The following CCDC88C variants were observed in gnomAD, a reference collection of about 807,000 sequenced individuals.
CCDC88C encodes coiled-coil and HOOK domain protein 88C, also known as protein Daple.
A neutral mutation model predicts 198.8 loss-of-function variants in CCDC88C; 131 were observed. The ratio of observed to expected loss-of-function variants is 0.66; its 90% CI spans 0.57 to 0.76. The LOEUF (loss-of-function observed/expected upper bound fraction) is 0.76, where lower values mean the gene tolerates loss of function less well. Among genes scored for constraint, CCDC88C ranks in the 30% least tolerant of loss-of-function variants. The pLI, the probability that CCDC88C is intolerant of heterozygous loss-of-function variation, is 0.00. For missense variants in CCDC88C, 2,553 were observed against 2,631.6 expected (o/e 0.97, Z 0.65); for synonymous variants, 1,166 against 1,114.7 (o/e 1.05, Z -0.92).
At chr14:91,410,159 C>T (rs915877274) in intron 2 of CCDC88C, among the ~76,000 whole-genome samples, 9 of 152,324 alleles carry the variant, frequency 5.9e-5, no homozygotes, top group Non-Finnish European at 1.0e-4. Flanking sequence ...TGTCAGAAAA[C>T]GTTCCCCATT....
chr14:91,295,299 A>G (rs577852916), intron 22 of CCDC88C, among the ~76,000 whole-genome samples: 2 of 152,378 alleles, frequency 1.3e-5, no homozygotes, highest in Admixed American at 1.3e-4. Flanking sequence ...TTTTTTCACT[A>G]AAAATACTTC....
At chr14:91,392,173 G>A (rs1885547585) in intron 3 of CCDC88C, among the ~76,000 whole-genome samples, 1 of 152,148 alleles carries the variant, frequency 6.6e-6, no homozygotes, top group African/African-American at 2.4e-5. Flanking sequence ...CACCTCCAGA[G>A]GTTCCAGCTC....
chr14:91,413,934 T>C (rs952037009), intron 2 of CCDC88C, among the ~76,000 whole-genome samples: 2 of 152,216 alleles, frequency 1.3e-5, no homozygotes, highest in Admixed American at 1.3e-4. Context: ...GCTACTGGTA[T>C]GGGAGATGAG....
At chr14:91,379,368 T>G (rs1247090211) in intron 3 of CCDC88C, 1 of 154,994 alleles carries the variant, frequency 6.5e-6, no homozygotes, top group East Asian at 1.9e-4. Context: ...GAGGATGAGG[T>G]TGCAGTCAGA....
In CCDC88C at chr14:91,296,393, G is replaced by A. The variant is rs115491732; in HGVS notation, c.3966+912C>T. Among the ~76,000 whole-genome samples the A allele has an allele frequency of 1.2e-3, 182 of 152,364 alleles. 2 individuals are homozygous for A. The highest frequency in any genetic ancestry group is 4.1e-3 in the African/African-American group (172 of 41,586). Reference sequence around the variant, plus strand: ...ACTTCATCAGCGTGACCTTTTCCACGGGGCCTGCGCTGCAGCCCCTGACCT... The same window carrying A: ...ACTTCATCAGCGTGACCTTTTCCACAGGGCCTGCGCTGCAGCCCCTGACCT... On this transcript the variant is annotated intron_variant, in intron 22 of 29. Transcript: ENST00000389857.
chr14:91,306,931 A>G (rs1891579589), intron 18 of CCDC88C, 107 bp downstream of exon 18: 1 of 1,243,504 alleles, frequency 8.0e-7, no homozygotes, highest in Admixed American at 2.8e-5. Context: ...GATCTGGCTA[A>G]ATCTCCTGTG....
intron 29 of CCDC88C, among the ~76,000 whole-genome samples, chr14:91,274,810 T>C (rs1889884812): frequency 6.6e-6 from 1 of 152,194 alleles, no homozygotes; most frequent in Admixed American, 6.5e-5. Context: ...TGAAAGGCTG[T>C]ATCAAGGTAA....
chr14:91,308,526 T>C (rs1704829010), intron 16 of CCDC88C, 34 bp from the exon 17 acceptor site: 13 of 1,605,832 alleles, frequency 8.1e-6, no homozygotes, highest in South Asian at 1.1e-5. Flanking sequence ...GTATCACTTA[T>C]CTACTTCCTC....
chr14:91,303,893 G>A lies in CCDC88C; in HGVS notation c.3443C>T (p.Thr1148Met), dbSNP rs753664712. The change falls in exon 20 of 30, where the codon ACG becomes ATG. Residue 1148 changes from threonine to methionine, a missense_variant. Physicochemically the swap from Thr to Met is moderately conservative, Grantham distance 81 (BLOSUM62 -1). Around this residue, in one of 2 missense-constraint regions of CCDC88C, gnomAD observed 1,293 missense variants for 1,219.6 expected, o/e 1.06. Coordinates refer to ENST00000389857, the MANE Select transcript of CCDC88C (RefSeq NM_001080414.4). ...LLQNHHTAKE[T>M]ENESLQRQQE... Reference sequence around the variant, plus strand: ...CTGCCTCTGCAGGCTTTCGTTCTCCGTCTCCTTGGCCGTGTGGTGGTTCTG... The same window carrying A: ...CTGCCTCTGCAGGCTTTCGTTCTCCATCTCCTTGGCCGTGTGGTGGTTCTG... 6.8e-6 allele frequency: 11 copies of A among 1,612,752 alleles called. No homozygotes were observed. The South Asian group carries it at 8.8e-5, about 13-fold the overall frequency.
chr14:91,356,972 G>A (rs188938018), intron 4 of CCDC88C, among the ~76,000 whole-genome samples: 1 of 152,296 alleles, frequency 6.6e-6, no homozygotes, highest in East Asian at 1.9e-4. Context: ...AGAAGGATGC[G>A]TTTAATATTA....
In CCDC88C at chr14:91,385,578, G is replaced by A. The variant is rs117639689; in HGVS notation, c.270+23081C>T. Among the ~76,000 whole-genome samples, 252 of 152,322 alleles carry A rather than the reference G, an allele frequency of 1.7e-3. 5 individuals are homozygous for A. In the East Asian group the frequency reaches 0.039, roughly 23 times the overall value. Reference sequence around the variant, plus strand: ...AAGGGCCTCAGGTCACAAGGTGGGCGGCAAGGCCAAACTCGGACATCAAAA... The same window carrying A: ...AAGGGCCTCAGGTCACAAGGTGGGCAGCAAGGCCAAACTCGGACATCAAAA... On this transcript the variant is annotated intron_variant, in intron 3 of 29. Coordinates refer to ENST00000389857, the MANE Select transcript of CCDC88C (RefSeq NM_001080414.4).
chr14:91,410,199 G>A (rs927894170), intron 2 of CCDC88C, among the ~76,000 whole-genome samples: 7 of 152,148 alleles, frequency 4.6e-5, no homozygotes, highest in African/African-American at 7.2e-5. Context: ...TACTGAGTTC[G>A]CTTCCACCCT....
intron 10 of CCDC88C, among the ~76,000 whole-genome samples, chr14:91,331,136 G>A (rs534999251): frequency 3.3e-5 from 5 of 152,058 alleles, no homozygotes; most frequent in East Asian, 1.9e-4. Context: ...GTGCAGGCAC[G>A]GCAGGTGGCT....
chr14:91,320,018 C>G (rs1655126773), intron 13 of CCDC88C, among the ~76,000 whole-genome samples: 2 of 56,888 alleles, frequency 3.5e-5, no homozygotes, highest in African/African-American at 1.5e-4. Flanking sequence ...GAACAAAACT[C>G]AGTCTCAAAA....
rs776918682 is a variant in CCDC88C at position 91,279,273 on chromosome 14, T to C, written c.4733A>G (p.Asn1578Ser). ...SRPSSLESSR[N>S]TSSNSSPLNL... ...AAGAGGTGAGCTGTTGCTGGATGTG[T>C]TTCTACTGCTCTCTAAGCTACTTGG... is the stretch of plus-strand genomic sequence containing the variant. The change falls in exon 28 of 30, where the codon AAC (asparagine) becomes AGC (serine). Residue 1578 changes from asparagine (N) to serine (S), a missense_variant. Asn to Ser is a conservative substitution (Grantham distance 46). This residue lies in a region of CCDC88C where 1,293 missense variants were observed against 1,219.6 expected (regional missense o/e 1.06). Coordinates refer to ENST00000389857, the MANE Select transcript of CCDC88C (RefSeq NM_001080414.4). 5 of 1,602,824 alleles carry C rather than the reference T, an allele frequency of 3.1e-6. No homozygotes were observed. Among genetic ancestry groups the C allele is most frequent in the Non-Finnish European group, 4.3e-6 (5 of 1,173,936 alleles).
chr14:91,320,175 G>A (rs995808180), intron 13 of CCDC88C, among the ~76,000 whole-genome samples: 3 of 152,218 alleles, frequency 2.0e-5, no homozygotes, highest in African/African-American at 4.8e-5. Context: ...CTCCTGGAGA[G>A]CCTCAGGATG....
intron 19 of CCDC88C, 28 bp from the exon 20 acceptor site, chr14:91,304,006 C>T (rs1004645297): frequency 6.3e-7 from 1 of 1,588,052 alleles, no homozygotes; most frequent in Non-Finnish European, 8.5e-7. Context: ...CGCGGCGTGG[C>T]GCAGGCCCCA....
chr14:91,393,717 G>A (rs141667590), intron 3 of CCDC88C, among the ~76,000 whole-genome samples: 309 of 152,352 alleles, frequency 2.0e-3, no homozygotes, highest in African/African-American at 7.0e-3. Flanking sequence ...AGCCGGGCAT[G>A]GTGGCCCATG....
intron 2 of CCDC88C, 90 bp from the exon 3 acceptor site, chr14:91,408,857 G>T: frequency 1.3e-6 from 1 of 794,890 alleles, no homozygotes. Flanking sequence ...TTGTCCTCCA[G>T]TCCCTAGGTG....
Sources: gnomAD v4.1 joint callset for allele counts (sites outside exome capture counted in the v4.1 genomes callset) on GRCh38, gnomAD v4.1.1 for gene constraint, gnomAD v4.1.1 regional missense constraint, MANE v1.5 for transcripts, NCBI Gene and HGNC (gene_info 2026-07-23, HGNC 2026-07-21) for gene names.